Variants in MALRD1 observed in about 807,000 individuals in gnomAD.
MALRD1 encodes MAM and LDL-receptor class A domain-containing protein 1.
MALRD1 carries 247 observed loss-of-function variants against 242.1 expected under a neutral mutation model. That is an observed-to-expected ratio of 1.02 (90% CI 0.92 to 1.13). The LOEUF (loss-of-function observed/expected upper bound fraction) is 1.13, where lower values mean the gene tolerates loss of function less well. Among genes scored for constraint, MALRD1 ranks in the 50% most tolerant of loss-of-function variants. The probability of loss-of-function intolerance (pLI) is 0.00; values close to 1 mark genes in which losing one functional copy is unlikely to be tolerated. For missense variants in MALRD1, 2,989 were observed against 2,533.1 expected, an observed-to-expected ratio of 1.18 and a Z score of -3.86; for synonymous variants, 995 against 866.6, an observed-to-expected ratio of 1.15 and a Z score of -2.60.
At chr10:19,732,542 C>A (rs974742539) in intron 39 of MALRD1, among the ~76,000 whole-genome samples, 1 of 152,176 alleles carries the variant, frequency 6.6e-6, no homozygotes, top group African/African-American at 2.4e-5. Context: ...GCATTACAGG[C>A]GTGAGCCACT....
At chr10:19,123,347 T>C in intron 5 of MALRD1, 145 bp from the exon 6 acceptor site, 4 of 389,162 alleles carry the variant, frequency 1.0e-5, no homozygotes, top group Middle Eastern at 4.3e-4. Flanking sequence ...GAGAAAGAGA[T>C]AGGGTTACCT....
intron 28 of MALRD1, among the ~76,000 whole-genome samples, chr10:19,421,926 A>C (rs1833732760): frequency 6.6e-6 from 1 of 152,208 alleles, no homozygotes; most frequent in Non-Finnish European, 1.5e-5. Context: ...GGATGGAAGG[A>C]GCATATGACT....
chr10:19,066,166 T>G (rs1211579310), intron 1 of MALRD1, among the ~76,000 whole-genome samples: 2 of 152,198 alleles, frequency 1.3e-5, no homozygotes, highest in African/African-American at 4.8e-5. Context: ...ATATTAATAC[T>G]GTGTAAATAG....
At chr10:19,728,032 T>G (rs894855763) in intron 38 of MALRD1, among the ~76,000 whole-genome samples, 3 of 152,180 alleles carry the variant, frequency 2.0e-5, no homozygotes, top group Non-Finnish European at 4.4e-5. Context: ...ATAGTTTACC[T>G]TATAAATAAA....
intron 36 of MALRD1, among the ~76,000 whole-genome samples, chr10:19,681,117 G>A (rs1842353306): frequency 6.6e-6 from 1 of 152,062 alleles, no homozygotes; most frequent in African/African-American, 2.4e-5. Context: ...CTGATTATGT[G>A]TCTTGGGGTT....
intron 28 of MALRD1, among the ~76,000 whole-genome samples, chr10:19,408,493 G>A (rs1833132075): frequency 6.6e-6 from 1 of 151,984 alleles, no homozygotes; most frequent in African/African-American, 2.4e-5. Flanking sequence ...TTCTATCCTT[G>A]CAATGAATAG....
intron 38 of MALRD1, among the ~76,000 whole-genome samples, chr10:19,717,835 G>T (rs1474078666): frequency 6.6e-6 from 1 of 151,960 alleles, no homozygotes; most frequent in East Asian, 1.9e-4. Context: ...TGGCCTACAT[G>T]GCAAAACCCT....
chr10:19,367,401 A>G (rs1264495473), intron 26 of MALRD1, among the ~76,000 whole-genome samples: 1 of 152,112 alleles, frequency 6.6e-6, no homozygotes, highest in Non-Finnish European at 1.5e-5. Flanking sequence ...TTCACTTAAC[A>G]TAATGTCTTC....
rs545674982 is a variant in MALRD1 at position 19,531,962 on chromosome 10, G to T, written c.5478+611G>T. ...GTTACATATCAGCACACCACACCTA[G>T]TGTTATTAACTTACAATTATCCAAT... On this transcript the variant is annotated intron_variant, in intron 32 of 39. Coordinates refer to ENST00000454679, the MANE Select transcript of MALRD1 (RefSeq NM_001142308.3). 3.7e-4 allele frequency among the ~76,000 whole-genome samples: 57 copies of T among 152,210 alleles called. 1 individual carries two copies. The highest frequency in any genetic ancestry group is 2.9e-3 in the South Asian group (14 of 4,818).
chr10:19,271,403 C>A (rs1840233230), intron 19 of MALRD1, among the ~76,000 whole-genome samples: 1 of 152,164 alleles, frequency 6.6e-6, no homozygotes, highest in Non-Finnish European at 1.5e-5. Flanking sequence ...AAGTTAAAAA[C>A]CCAAATACCA....
intron 28 of MALRD1, among the ~76,000 whole-genome samples, chr10:19,400,887 G>T (rs192969889): frequency 6.6e-6 from 1 of 151,972 alleles, no homozygotes; most frequent in Non-Finnish European, 1.5e-5. Flanking sequence ...GTGGTGGCAC[G>T]TTCCTGTAAT....
At chr10:19,444,402 A>C (rs985875457) in intron 28 of MALRD1, among the ~76,000 whole-genome samples, 3 of 152,136 alleles carry the variant, frequency 2.0e-5, no homozygotes, top group South Asian at 4.1e-4. Flanking sequence ...TCTTCCTAGC[A>C]TCGATGGTCT....
intron 1 of MALRD1, among the ~76,000 whole-genome samples, chr10:19,056,487 G>T (rs1027580773): frequency 9.9e-5 from 15 of 150,970 alleles, no homozygotes; most frequent in African/African-American, 3.6e-4. Flanking sequence ...TTTTTTGGAT[G>T]GTTTCTTATT....
At chr10:19,577,225 T>G (rs914077228) in intron 33 of MALRD1, among the ~76,000 whole-genome samples, 5 of 152,190 alleles carry the variant, frequency 3.3e-5, no homozygotes, top group Non-Finnish European at 7.4e-5. Flanking sequence ...AAGGAAATGA[T>G]TATCAGGCAA....
intron 5 of MALRD1, among the ~76,000 whole-genome samples, chr10:19,122,539 C>G (rs942797068): frequency 1.3e-5 from 2 of 151,974 alleles, no homozygotes; most frequent in South Asian, 4.2e-4. Context: ...CAGGGCTCAC[C>G]TACAGTGTCT....
At chr10:19,528,723 G>C (rs1253460494) in intron 31 of MALRD1, among the ~76,000 whole-genome samples, 1 of 152,086 alleles carries the variant, frequency 6.6e-6, no homozygotes, top group Non-Finnish European at 1.5e-5. Flanking sequence ...CAAGTTATTT[G>C]CATCTTCCAG....
At chr10:19,547,534 A>G (rs1054294965) in intron 32 of MALRD1, among the ~76,000 whole-genome samples, 1 of 151,664 alleles carries the variant, frequency 6.6e-6, no homozygotes, top group African/African-American at 2.4e-5. Context: ...CCCACAAAAG[A>G]ATGCCAGCTT....
chr10:19,494,673 A>G (rs1157903197), intron 30 of MALRD1, among the ~76,000 whole-genome samples: 1 of 152,226 alleles, frequency 6.6e-6, no homozygotes, highest in African/African-American at 2.4e-5. Flanking sequence ...AATTCAGGAA[A>G]GAATCAAGAG....
chr10:19,314,838 T>C (rs968891581), intron 21 of MALRD1, among the ~76,000 whole-genome samples: 1 of 151,256 alleles, frequency 6.6e-6, no homozygotes, highest in Non-Finnish European at 1.5e-5. Context: ...ACCCCAGTTG[T>C]AGACCAGCGC....
Sources: allele counts gnomAD v4.1 joint callset (sites outside exome capture counted in the v4.1 genomes callset), GRCh38; gene constraint gnomAD v4.1.1; transcripts MANE v1.5; gene names NCBI Gene and HGNC (gene_info 2026-07-23, HGNC 2026-07-21).